Variants in SLC35F3 observed in about 807,000 individuals in gnomAD.
The protein encoded by SLC35F3 is solute carrier family 35 member F3.
Under a neutral mutation model 49.9 loss-of-function variants are expected in SLC35F3, and 25 were observed. The ratio of observed to expected loss-of-function variants is 0.50; its 90% CI spans 0.37 to 0.70. The LOEUF (loss-of-function observed/expected upper bound fraction) is 0.70, where lower values mean the gene tolerates loss of function less well. Among genes scored for constraint, SLC35F3 ranks in the 30% least tolerant of loss-of-function variants. The probability of loss-of-function intolerance (pLI) is 0.00; values close to 1 mark genes in which losing one functional copy is unlikely to be tolerated. For missense variants in SLC35F3, 525 were observed against 639.8 expected (o/e 0.82, Z 1.94); for synonymous variants, 275 against 265.4 (o/e 1.04, Z -0.35).
intron 2 of SLC35F3, among the ~76,000 whole-genome samples, chr1:233,974,015 T>C (rs1238260658): frequency 6.6e-6 from 1 of 152,186 alleles, no homozygotes; most frequent in Non-Finnish European, 1.5e-5. Flanking sequence ...TCTGGCTACA[T>C]GTAAATCCAT....
intron 2 of SLC35F3, among the ~76,000 whole-genome samples, chr1:233,923,509 CT>C (rs1662102830): frequency 6.6e-6 from 1 of 152,184 alleles, no homozygotes; most frequent in African/African-American, 2.4e-5. Context: ...TATCCTGAGA[CT>C]TTGCTGAAGT....
intron 2 of SLC35F3, among the ~76,000 whole-genome samples, chr1:233,933,430 CCTTGAA>C (rs1293859431): frequency 6.6e-6 from 1 of 152,084 alleles, no homozygotes; most frequent in Non-Finnish European, 1.5e-5. Context: ...CTCACTGCAA[CCTTGAA>C]CTCCTGGACT....
rs893291731 is a variant in SLC35F3 at position 234,214,763 on chromosome 1, C to G, written c.284-16654C>G. ...GCAGCTTCAGGGGCTGCCCTGAGCT[C>G]CCTGGCGAGCAGGAGTGAGCTGCTG... is the stretch of plus-strand genomic sequence containing the variant. On this transcript the variant is annotated intron_variant, in intron 2 of 7. Coordinates refer to ENST00000366618, the MANE Select transcript of SLC35F3 (RefSeq NM_173508.4). The surrounding 1 kb of genome is among the most constrained non-coding windows in gnomAD (Gnocchi z 8.0). 1.6e-5 allele frequency: 12 copies of G among 731,950 alleles called. No homozygotes were observed. The African/African-American group carries it at 1.9e-4, about 11-fold the overall frequency. The allele number at this position is 731,950 out of a possible 1,614,324, so 45.3% of individuals were successfully genotyped here.
At chr1:234,232,951 G>A (rs1015437208) in intron 3 of SLC35F3, among the ~76,000 whole-genome samples, 11 of 152,260 alleles carry the variant, frequency 7.2e-5, no homozygotes, top group Middle Eastern at 3.4e-3. Flanking sequence ...ATCAGAGCAC[G>A]AATTCTGGAG....
chr1:233,967,794 T>C (rs1247736053), intron 2 of SLC35F3, among the ~76,000 whole-genome samples: 1 of 152,156 alleles, frequency 6.6e-6, no homozygotes, highest in African/African-American at 2.4e-5. Flanking sequence ...CTAAGACAGG[T>C]TTAATTGCTA....
At chr1:234,309,818 G>C (rs990901500) in intron 4 of SLC35F3, among the ~76,000 whole-genome samples, 8 of 152,260 alleles carry the variant, frequency 5.3e-5, no homozygotes, top group African/African-American at 1.4e-4. Context: ...TGTGTACACA[G>C]CCAGAGTTGG....
intron 2 of SLC35F3, among the ~76,000 whole-genome samples, chr1:234,211,150 T>C (rs1467073834): frequency 6.6e-6 from 1 of 152,256 alleles, no homozygotes; most frequent in East Asian, 1.9e-4. Flanking sequence ...AAGTCAAGGA[T>C]TGGGGTTTGG....
At chr1:234,081,259 A>G (rs533786374) in intron 2 of SLC35F3, among the ~76,000 whole-genome samples, 4 of 152,358 alleles carry the variant, frequency 2.6e-5, no homozygotes, top group African/African-American at 9.6e-5. Context: ...AACACATTTT[A>G]TCATAGATCT....
At chr1:234,074,760 G>A (rs1389863735) in intron 2 of SLC35F3, among the ~76,000 whole-genome samples, 4 of 152,198 alleles carry the variant, frequency 2.6e-5, no homozygotes, top group Non-Finnish European at 5.9e-5. Flanking sequence ...AACTGAGTGA[G>A]GTTAGGGCAA....
chr1:233,955,134 G>A (rs1209109822), intron 2 of SLC35F3, among the ~76,000 whole-genome samples: 8 of 152,008 alleles, frequency 5.3e-5, no homozygotes, highest in East Asian at 3.9e-4. Context: ...ACGAGCCACC[G>A]CACCAGGCCA....
intron 2 of SLC35F3, among the ~76,000 whole-genome samples, chr1:234,045,148 G>A (rs1273772827): frequency 6.6e-6 from 1 of 152,104 alleles, no homozygotes; most frequent in African/African-American, 2.4e-5. Flanking sequence ...AGTGCTGGTT[G>A]CCTGCCTTCT....
Position 234,216,446 on chromosome 1 carries a change from G to A in SLC35F3, c.284-14971G>A, listed in dbSNP as rs141963026. Among the ~76,000 whole-genome samples the A allele has an allele frequency of 4.7e-3, 714 of 152,314 alleles. 5 individuals are homozygous for A. Among genetic ancestry groups the A allele is most frequent in the African/African-American group, 0.015 (629 of 41,564 alleles). On this transcript the variant is annotated intron_variant, in intron 2 of 7. Transcript: ENST00000366618. ...GGCAGTGAGTGGCATGCGAGGCACA[G>A]GTACTTCCCTATGGCCAAGCCTGGA...
chr1:234,098,612 G>A (rs1328277472), intron 2 of SLC35F3, among the ~76,000 whole-genome samples: 39 of 151,172 alleles, frequency 2.6e-4, no homozygotes, highest in African/African-American at 9.5e-4. Context: ...ATAGGGTGAT[G>A]GTGGTGACTG....
At chr1:234,200,165 C>CA (rs369057237) in intron 2 of SLC35F3, among the ~76,000 whole-genome samples, 3,056 of 151,604 alleles carry the variant, frequency 0.02, 96 homozygotes, top group African/African-American at 0.069. Flanking sequence ...ATCACTACGT[C>CA]AAAAAAAATG....
chr1:234,074,228 AGCTTCCATCCTGATT>A (rs1254266917), intron 2 of SLC35F3, among the ~76,000 whole-genome samples: 3 of 152,176 alleles, frequency 2.0e-5, no homozygotes, highest in Non-Finnish European at 4.4e-5. Flanking sequence ...CAGTAGCAGA[AGCTTCCATCCTGATT>A]GCTGGTCCTG....
At chr1:234,037,927 T>C (rs987441106) in intron 2 of SLC35F3, among the ~76,000 whole-genome samples, 1 of 152,188 alleles carries the variant, frequency 6.6e-6, no homozygotes, top group South Asian at 2.1e-4. Context: ...AGAGTCAGAC[T>C]GTGTGTTTTT....
intron 2 of SLC35F3, among the ~76,000 whole-genome samples, chr1:233,945,287 G>C (rs57262768): frequency 0.1 from 15,291 of 152,102 alleles, 867 homozygotes; most frequent in African/African-American, 0.14. Flanking sequence ...CACTTACAGA[G>C]CACAGTTGGA....
At chr1:233,988,223 A>C (rs1196082484) in intron 2 of SLC35F3, among the ~76,000 whole-genome samples, 1 of 152,170 alleles carries the variant, frequency 6.6e-6, no homozygotes, top group Non-Finnish European at 1.5e-5. Flanking sequence ...AATATTAGTA[A>C]CTGGAAATCT....
At chr1:234,080,715 C>T (rs938376369) in intron 2 of SLC35F3, among the ~76,000 whole-genome samples, 1 of 152,108 alleles carries the variant, frequency 6.6e-6, no homozygotes, top group East Asian at 1.9e-4. Context: ...ATAGACAAAT[C>T]CATACAGAAA....
Sources: allele counts gnomAD v4.1 joint callset (sites outside exome capture counted in the v4.1 genomes callset), GRCh38; gene constraint gnomAD v4.1.1; non-coding constraint Gnocchi (gnomAD v3.1); transcripts MANE v1.5; gene names NCBI Gene and HGNC (gene_info 2026-07-23, HGNC 2026-07-21).